The following PEPD variants were observed in gnomAD, a reference collection of about 807,000 sequenced individuals.
PEPD encodes xaa-Pro dipeptidase.
A neutral mutation model predicts 60.7 loss-of-function variants in PEPD; 53 were observed. The ratio of observed to expected loss-of-function variants is 0.87; its 90% CI spans 0.70 to 1.10. The LOEUF (loss-of-function observed/expected upper bound fraction) is 1.10. Among genes scored for constraint, PEPD ranks in the 50% least tolerant of loss-of-function variants. The pLI is 0.00. For synonymous variants in PEPD, 267 were observed against 284.1 expected (o/e 0.94, Z 0.60); for missense variants, 711 against 711.9 (o/e 1.00, Z 0.01).
chr19:33,509,843 C>T (rs1030564166), intron 3 of PEPD, among the ~76,000 whole-genome samples: 6 of 152,312 alleles, frequency 3.9e-5, no homozygotes, highest in African/African-American at 7.2e-5. Context: ...AGCTCCTCGG[C>T]GGTGGGGAGT....
chr19:33,509,112 C>T (rs34258884), intron 3 of PEPD, among the ~76,000 whole-genome samples: 18,652 of 152,308 alleles, frequency 0.12, 1,553 homozygotes, highest in Non-Finnish European at 0.19. Flanking sequence ...GCACGCTGAG[C>T]CATCTCCTCT....
At position 33,457,234 on chromosome 19, in the gene PEPD, C is replaced by T. The variant is rs1025593207; in HGVS notation, c.671+5761G>A. On this transcript the variant is annotated intron_variant, in intron 9 of 14. Transcript: ENST00000244137. Reference sequence around the variant, plus strand: ...AATGCTAGAGCTCTGGAGTTCTAGACCAGCCTGGGCAACAAGGCAAAACTC... The same window carrying T: ...AATGCTAGAGCTCTGGAGTTCTAGATCAGCCTGGGCAACAAGGCAAAACTC... Among the ~76,000 whole-genome samples, 3 of 151,994 alleles carry T rather than the reference C, an allele frequency of 2.0e-5. No individual in the cohort carries two copies. The East Asian group carries it at 5.8e-4, about 29-fold the overall frequency.
intron 7 of PEPD, among the ~76,000 whole-genome samples, chr19:33,472,077 C>T (rs1970130710): frequency 6.6e-6 from 1 of 151,910 alleles, no homozygotes; most frequent in Non-Finnish European, 1.5e-5. Context: ...AGAAGAGTCG[C>T]TTGAACCTGG....
At chr19:33,521,188 A>G (rs566216166) in intron 1 of PEPD, among the ~76,000 whole-genome samples, 15 of 152,286 alleles carry the variant, frequency 9.8e-5, no homozygotes, top group Non-Finnish European at 1.6e-4. Context: ...CTGCCCTTGC[A>G]CTCTAAATGC....
intron 9 of PEPD, among the ~76,000 whole-genome samples, chr19:33,452,406 G>A (rs138242830): frequency 2.9e-4 from 44 of 152,180 alleles, no homozygotes; most frequent in African/African-American, 8.9e-4. Flanking sequence ...AGACAGATGC[G>A]TCAAAACAAG....
Position 33,478,054 on chromosome 19 carries a change from G to A in PEPD, c.540C>T (p.Ile180=), listed in dbSNP as rs759640890. Residue 180 remains isoleucine, a synonymous_variant, in exon 7 of 15, where the codon ATC becomes ATT. Coordinates refer to ENST00000244137, the MANE Select transcript of PEPD (RefSeq NM_000285.4). ...CCACAGGCCGTACTCACCACTCAACGATCTCTGGGTGAAGAATGGTATTGT... is the reference window on the plus strand; with the variant it reads ...CCACAGGCCGTACTCACCACTCAACAATCTCTGGGTGAAGAATGGTATTGT... ...EVNNTILHPE[I]VECRVFKTDM... is the part of the protein sequence containing the mutation. 6.8e-6 allele frequency: 11 copies of A among 1,610,376 alleles called. No homozygotes were observed. The Admixed American group carries it at 8.4e-5, about 12-fold the overall frequency.
chr19:33,517,053 T>C (rs1388319303), intron 1 of PEPD, among the ~76,000 whole-genome samples: 1 of 151,974 alleles, frequency 6.6e-6, no homozygotes, highest in Non-Finnish European at 1.5e-5. Flanking sequence ...TGGTGGCTTG[T>C]GCATGTGGTC....
intron 6 of PEPD, among the ~76,000 whole-genome samples, chr19:33,484,699 C>T (rs923121271): frequency 6.6e-6 from 1 of 151,262 alleles, no homozygotes; most frequent in Non-Finnish European, 1.5e-5. Context: ...CAAAAAGATC[C>T]ACACCCTGAT....
At chr19:33,489,962 G>A in intron 6 of PEPD, 34 bp downstream of exon 6, 1 of 1,356,636 alleles carries the variant, frequency 7.4e-7, no homozygotes, top group Non-Finnish European at 1.0e-6. Context: ...GTGGGGGATG[G>A]TGGGGAAAGA....
chr19:33,498,327 G>A (rs974620416), intron 4 of PEPD, among the ~76,000 whole-genome samples: 1 of 152,188 alleles, frequency 6.6e-6, no homozygotes, highest in Admixed American at 6.5e-5. Flanking sequence ...ATACGAAGAC[G>A]AAGAATGAGC....
chr19:33,446,063 A>G (rs1276759790), intron 9 of PEPD, among the ~76,000 whole-genome samples: 5 of 152,188 alleles, frequency 3.3e-5, no homozygotes, highest in Non-Finnish European at 1.5e-5. Flanking sequence ...TCTTCAAAGC[A>G]TTACAGATTG....
chr19:33,411,813 G>A, intron 10 of PEPD, 64 bp from the exon 11 acceptor site: 13 of 964,460 alleles, frequency 1.3e-5, no homozygotes, highest in Non-Finnish European at 2.0e-5. Context: ...GAAGGAGGGG[G>A]TGGATGCTCG....
chr19:33,459,170 G>A (rs1425099356), intron 9 of PEPD, among the ~76,000 whole-genome samples: 1 of 152,054 alleles, frequency 6.6e-6, no homozygotes, highest in African/African-American at 2.4e-5. Flanking sequence ...TCTTGGCCTG[G>A]AAGGGGACGC....
chr19:33,406,687 C>T (rs532812460), intron 11 of PEPD, among the ~76,000 whole-genome samples: 2 of 152,190 alleles, frequency 1.3e-5, no homozygotes, highest in Non-Finnish European at 1.5e-5. Context: ...CCATGGGGTC[C>T]GCAGCGCGAT....
At chr19:33,517,861 G>T (rs909067048) in intron 1 of PEPD, among the ~76,000 whole-genome samples, 2 of 151,834 alleles carry the variant, frequency 1.3e-5, no homozygotes, top group African/African-American at 4.8e-5. Context: ...CAGCTACTCG[G>T]GAGGCTGAGG....
intron 1 of PEPD, among the ~76,000 whole-genome samples, chr19:33,521,464 G>C (rs927654497): frequency 3.3e-5 from 5 of 152,162 alleles, no homozygotes; most frequent in African/African-American, 1.2e-4. Context: ...CATGCGTGTC[G>C]ACCCCAGCCC....
intron 9 of PEPD, among the ~76,000 whole-genome samples, chr19:33,425,567 T>C (rs12459149): frequency 2.0e-5 from 3 of 152,216 alleles, no homozygotes; most frequent in Admixed American, 1.3e-4. Context: ...AGTACCCCAC[T>C]AGCATATTTC....
At chr19:33,471,133 T>C (rs1483054612) in intron 7 of PEPD, among the ~76,000 whole-genome samples, 1 of 152,028 alleles carries the variant, frequency 6.6e-6, no homozygotes, top group Non-Finnish European at 1.5e-5. Context: ...AAAAAAAAAA[T>C]CAAACTGAAC....
At chr19:33,459,988 T>C (rs1600133986) in intron 9 of PEPD, among the ~76,000 whole-genome samples, 1 of 152,134 alleles carries the variant, frequency 6.6e-6, no homozygotes. Context: ...CTGGTTTCCT[T>C]TGAACCCAGT....
Sources: allele counts gnomAD v4.1 joint callset (sites outside exome capture counted in the v4.1 genomes callset), GRCh38; gene constraint gnomAD v4.1.1; transcripts MANE v1.5; gene names NCBI Gene and HGNC (gene_info 2026-07-23, HGNC 2026-07-21).